Variants in NAALADL2 observed in about 807,000 individuals in gnomAD.
The protein encoded by NAALADL2 is inactive N-acetylated-alpha-linked acidic dipeptidase-like protein 2.
A neutral mutation model predicts 87.2 loss-of-function variants in NAALADL2; 76 were observed. The observed-to-expected ratio is 0.87, with a 90% CI of 0.72 to 1.05. The LOEUF is 1.05. Among genes scored for constraint, NAALADL2 ranks in the 50% least tolerant of loss-of-function variants. NAALADL2 has a pLI of 0.00. For missense variants in NAALADL2, 1,089 were observed against 945.8 expected (o/e 1.15, Z -1.99); for synonymous variants, 354 against 331.0 (o/e 1.07, Z -0.75).
intron 10 of NAALADL2, among the ~76,000 whole-genome samples, chr3:175,582,958 G>A (rs144903363): frequency 2.6e-3 from 399 of 152,172 alleles, no homozygotes; most frequent in Non-Finnish European, 4.2e-3. Context: ...ATATGCTTGC[G>A]TGGAGTCAAC....
intron 5 of NAALADL2, among the ~76,000 whole-genome samples, chr3:175,436,898 T>C (rs1277693532): frequency 1.1e-5 from 1 of 90,492 alleles, no homozygotes; most frequent in Non-Finnish European, 2.3e-5. Context: ...CCATTGCTTT[T>C]GGTGTTTTGG....
intron 2 of NAALADL2, among the ~76,000 whole-genome samples, chr3:174,705,551 G>T (rs1262909094): frequency 1.3e-5 from 2 of 152,088 alleles, no homozygotes. Flanking sequence ...TTGGGAGGCC[G>T]AGGCGGGTGG....
chr3:175,529,884 G>A (rs1161976330), intron 9 of NAALADL2, among the ~76,000 whole-genome samples: 1 of 152,106 alleles, frequency 6.6e-6, no homozygotes, highest in Non-Finnish European at 1.5e-5. Flanking sequence ...TTCCAGTGAG[G>A]ACAAACCTCT....
chr3:175,429,640 G>A (rs992845927), intron 5 of NAALADL2, among the ~76,000 whole-genome samples: 3 of 151,912 alleles, frequency 2.0e-5, no homozygotes, highest in South Asian at 2.1e-4. Flanking sequence ...GGAAACCTTC[G>A]CACATATGCA....
At chr3:174,844,277 C>A (rs927464498) in intron 3 of NAALADL2, among the ~76,000 whole-genome samples, 1 of 152,078 alleles carries the variant, frequency 6.6e-6, no homozygotes, top group Non-Finnish European at 1.5e-5. Context: ...CTATTGGTAC[C>A]TGTGTTGAAA....
intron 1 of NAALADL2, among the ~76,000 whole-genome samples, chr3:174,519,444 T>C (rs569330630): frequency 6.6e-6 from 1 of 151,584 alleles, no homozygotes; most frequent in African/African-American, 2.4e-5. Context: ...TTCTACTGCC[T>C]CAGCATCACG....
intron 2 of NAALADL2, among the ~76,000 whole-genome samples, chr3:174,735,952 G>C (rs529015630): frequency 6.6e-6 from 1 of 152,262 alleles, no homozygotes; most frequent in South Asian, 2.1e-4. Flanking sequence ...GGGTGTGTGA[G>C]TGAGCAAGCA....
chr3:175,734,210 C>A (rs1019864053), intron 11 of NAALADL2, among the ~76,000 whole-genome samples: 3 of 152,190 alleles, frequency 2.0e-5, no homozygotes, highest in Non-Finnish European at 4.4e-5. Context: ...CTCGCCCCTG[C>A]AACAAATATT....
At chr3:175,749,747 A>G (rs1746393444) in intron 12 of NAALADL2, among the ~76,000 whole-genome samples, 1 of 152,240 alleles carries the variant, frequency 6.6e-6, no homozygotes, top group South Asian at 2.1e-4. Flanking sequence ...TTAATACCTC[A>G]GGTAAAATGT....
At chr3:175,590,432 T>G (rs1721264568) in intron 10 of NAALADL2, among the ~76,000 whole-genome samples, 1 of 151,702 alleles carries the variant, frequency 6.6e-6, no homozygotes, top group African/African-American at 2.4e-5. Context: ...TTCTTCCAGA[T>G]GTAAGAATAG....
intron 5 of NAALADL2, among the ~76,000 whole-genome samples, chr3:175,439,210 G>A (rs773033261): frequency 3.9e-5 from 6 of 151,968 alleles, no homozygotes; most frequent in Non-Finnish European, 5.9e-5. Flanking sequence ...GTAGTATTCC[G>A]TGGTATACAC....
chr3:175,770,356 A>T (rs1359707713), intron 13 of NAALADL2, among the ~76,000 whole-genome samples: 3 of 152,208 alleles, frequency 2.0e-5, no homozygotes, highest in African/African-American at 7.2e-5. Flanking sequence ...AGAAAGAATG[A>T]ATCTTTTCTA....
At chr3:174,496,879 C>T (rs548526054) in intron 1 of NAALADL2, among the ~76,000 whole-genome samples, 17 of 144,016 alleles carry the variant, frequency 1.2e-4, no homozygotes, top group Middle Eastern at 3.5e-3. Flanking sequence ...AAGATCTAGA[C>T]TGAATGTGTT....
chr3:175,723,149 C>T (rs552137681), intron 11 of NAALADL2, among the ~76,000 whole-genome samples: 6 of 152,188 alleles, frequency 3.9e-5, no homozygotes, highest in South Asian at 2.1e-4. Flanking sequence ...ATGAGCAAGT[C>T]GCCTAAGAAA....
chr3:174,582,412 A>G (rs949576705), intron 2 of NAALADL2, among the ~76,000 whole-genome samples: 2 of 152,198 alleles, frequency 1.3e-5, no homozygotes, highest in East Asian at 3.8e-4. Context: ...AAGTAAATAC[A>G]ACAAACAAAC....
intron 11 of NAALADL2, among the ~76,000 whole-genome samples, chr3:175,631,450 CTTT>C (rs34282283): frequency 1.4e-5 from 2 of 139,028 alleles, no homozygotes; most frequent in African/African-American, 2.6e-5. Flanking sequence ...CCCTGTAGTT[CTTT>C]TTTTTTTTTT....
intron 9 of NAALADL2, among the ~76,000 whole-genome samples, chr3:175,486,435 T>C (rs1242084279): frequency 6.6e-6 from 1 of 152,168 alleles, no homozygotes; most frequent in Non-Finnish European, 1.5e-5. Context: ...AAAGGACGTT[T>C]GTTACCCAGT....
At chr3:175,242,772 T>C in intron 3 of NAALADL2, among the ~76,000 whole-genome samples, 1 of 152,090 alleles carries the variant, frequency 6.6e-6, no homozygotes, top group Non-Finnish European at 1.5e-5. Context: ...CAGTGGTAAA[T>C]AAGAAAGCCT....
intron 9 of NAALADL2, among the ~76,000 whole-genome samples, chr3:175,525,695 C>G (rs1733302994): frequency 6.6e-6 from 1 of 151,968 alleles, no homozygotes; most frequent in South Asian, 2.1e-4. Flanking sequence ...GAGCAATCCT[C>G]AAGGGGTGGG....
Sources: allele counts gnomAD v4.1 joint callset (sites outside exome capture counted in the v4.1 genomes callset), GRCh38; gene constraint gnomAD v4.1.1; transcripts MANE v1.5; gene names NCBI Gene and HGNC (gene_info 2026-07-23, HGNC 2026-07-21).